OR8I2: variants seen among roughly 807,000 people sequenced by gnomAD.
The protein encoded by OR8I2 is olfactory receptor 8I2.
For missense variants in OR8I2, 431 were observed against 368.3 expected (o/e 1.17, Z -1.39); for synonymous variants, 158 against 142.8 (o/e 1.11, Z -0.76).
chr11:56,093,763 C>T lies in OR8I2; in HGVS notation c.456C>T (p.Gly152=), dbSNP rs1248612140. ...NWLGVMPYVI[G]FTSSLISVWV... ...TGGGAGTAATGCCATATGTGATAGGCTTCACAAGCTCGCTGATATCTGTCT... is the reference window on the plus strand; with the variant it reads ...TGGGAGTAATGCCATATGTGATAGGTTTCACAAGCTCGCTGATATCTGTCT... The change falls in exon 1 of 1, where the codon GGC becomes GGT. Residue 152 remains glycine (G), a synonymous_variant. Transcript: ENST00000302124. 2.5e-6 allele frequency: 4 copies of T among 1,613,874 alleles called. No homozygotes were observed. The highest frequency in any genetic ancestry group is 1.6e-4 in the Middle Eastern group (1 of 6,084).
Sources: gnomAD v4.1 joint callset for allele counts on GRCh38, gnomAD v4.1.1 for gene constraint, MANE v1.5 for transcripts, NCBI Gene and HGNC (gene_info 2026-07-23, HGNC 2026-07-21) for gene names.